The following LRFN5 variants were observed in gnomAD, a reference collection of about 807,000 sequenced individuals.
The protein encoded by LRFN5 is leucine-rich repeat and fibronectin type-III domain-containing protein 5.
LRFN5 carries 24 observed loss-of-function variants against 45.6 expected under a neutral mutation model. The ratio of observed to expected loss-of-function variants is 0.53; its 90% CI spans 0.38 to 0.74. LRFN5 has a LOEUF of 0.74. Among genes scored for constraint, LRFN5 ranks in the 30% least tolerant of loss-of-function variants. LRFN5 has a pLI of 0.00. For missense variants in LRFN5, 776 were observed against 861.5 expected, an observed-to-expected ratio of 0.90 and a Z score of 1.24; for synonymous variants, 340 against 313.8, an observed-to-expected ratio of 1.08 and a Z score of -0.88.
intron 2 of LRFN5, among the ~76,000 whole-genome samples, chr14:41,881,623 G>A (rs930719048): frequency 6.6e-6 from 1 of 151,244 alleles, no homozygotes; most frequent in Non-Finnish European, 1.5e-5. Flanking sequence ...TTTCTGAGAG[G>A]GATTAAAATT....
intron 2 of LRFN5, among the ~76,000 whole-genome samples, chr14:41,843,757 A>G (rs1888951358): frequency 6.6e-6 from 1 of 152,208 alleles, no homozygotes. Flanking sequence ...ATCTGAATAT[A>G]TGGTCCATGT....
chr14:41,794,571 A>G (rs1425056957), intron 2 of LRFN5, among the ~76,000 whole-genome samples: 1 of 152,064 alleles, frequency 6.6e-6, no homozygotes, highest in Non-Finnish European at 1.5e-5. Context: ...GGATAAGTGC[A>G]TAAAGGAATA....
At chr14:41,742,146 A>C (rs73315033) in intron 1 of LRFN5, among the ~76,000 whole-genome samples, 3,914 of 151,894 alleles carry the variant, frequency 0.026, 174 homozygotes, top group African/African-American at 0.089. Flanking sequence ...ATATGACCCC[A>C]AAAATGTTAC....
intron 1 of LRFN5, among the ~76,000 whole-genome samples, chr14:41,726,712 G>A (rs1019695523): frequency 2.6e-5 from 4 of 151,994 alleles, no homozygotes; most frequent in Non-Finnish European, 5.9e-5. Context: ...TGGTTCAAAA[G>A]TATAAAGCAC....
intron 1 of LRFN5, among the ~76,000 whole-genome samples, chr14:41,612,641 A>G (rs1281197958): frequency 6.6e-6 from 1 of 152,146 alleles, no homozygotes; most frequent in African/African-American, 2.4e-5. Flanking sequence ...TTCTGGTTGC[A>G]GAGCCCACAT....
chr14:41,686,107 A>G (rs1429768922), intron 1 of LRFN5, among the ~76,000 whole-genome samples: 4 of 151,892 alleles, frequency 2.6e-5, no homozygotes, highest in Non-Finnish European at 5.9e-5. Context: ...AGGATGGAAT[A>G]TTTTTGCATT....
chr14:41,833,763 G>A (rs1212394777), intron 2 of LRFN5, among the ~76,000 whole-genome samples: 1 of 152,078 alleles, frequency 6.6e-6, no homozygotes, highest in African/African-American at 2.4e-5. Context: ...TTTTTCATAT[G>A]ATAACCATCT....
intron 2 of LRFN5, among the ~76,000 whole-genome samples, chr14:41,811,825 A>T (rs1458204146): frequency 6.6e-6 from 1 of 152,092 alleles, no homozygotes; most frequent in Non-Finnish European, 1.5e-5. Context: ...TTTTGGCGTG[A>T]TGAAAATGTT....
intron 1 of LRFN5, among the ~76,000 whole-genome samples, chr14:41,732,738 GA>G (rs201200327): frequency 6.8e-6 from 1 of 147,496 alleles, no homozygotes; most frequent in African/African-American, 2.5e-5. Flanking sequence ...GATAGTTCAA[GA>G]AAAAAAATTA....
intron 5 of LRFN5, among the ~76,000 whole-genome samples, chr14:41,899,759 C>T (rs1891049370): frequency 6.6e-6 from 1 of 152,064 alleles, no homozygotes; most frequent in Non-Finnish European, 1.5e-5. Flanking sequence ...AGAAAAACAA[C>T]TTTGTCAATC....
At chr14:41,738,730 C>G (rs901399553) in intron 1 of LRFN5, among the ~76,000 whole-genome samples, 1 of 152,108 alleles carries the variant, frequency 6.6e-6, no homozygotes. Context: ...ATTATGGAAT[C>G]TCTGATAGCT....
chr14:41,846,112 C>A (rs917326195), intron 2 of LRFN5, among the ~76,000 whole-genome samples: 8 of 152,066 alleles, frequency 5.3e-5, no homozygotes, highest in Non-Finnish European at 1.2e-4. Context: ...ATCCAGCAAA[C>A]TCAAAACTGT....
chr14:41,704,035 A>G (rs931550065), intron 1 of LRFN5, among the ~76,000 whole-genome samples: 8 of 152,134 alleles, frequency 5.3e-5, no homozygotes, highest in Non-Finnish European at 1.2e-4. Context: ...ATGACCTTCT[A>G]TATTCTAGAC....
intron 2 of LRFN5, among the ~76,000 whole-genome samples, chr14:41,814,762 A>G (rs974736528): frequency 7.3e-5 from 11 of 151,448 alleles, no homozygotes; most frequent in African/African-American, 2.7e-4. Context: ...ATTGTTGGGT[A>G]TATGTTAGAC....
rs143124000 is a variant in LRFN5, at chr14:41,842,912, C to G, written c.-20-43694C>G. Among the ~76,000 whole-genome samples, 269 of 152,082 alleles carry G rather than the reference C, an allele frequency of 1.8e-3. 1 individual carries two copies. The highest frequency in any genetic ancestry group is 2.3e-3 in the Non-Finnish European group (153 of 67,960). On this transcript the variant is annotated intron_variant, in intron 2 of 5. Coordinates refer to ENST00000298119, the MANE Select transcript of LRFN5 (RefSeq NM_152447.5). ...TATTTGCATTTTATTGGCAATACTT[C>G]TCGAATGAAGTATTTGATCAAGATC...
At chr14:41,883,085 A>G (rs1957870) in intron 2 of LRFN5, among the ~76,000 whole-genome samples, 104,482 of 151,490 alleles carry the variant, frequency 0.69, 36,137 homozygotes, top group Middle Eastern at 0.79. Context: ...CTGACCACGT[A>G]ATCTGTCCCC....
intron 1 of LRFN5, among the ~76,000 whole-genome samples, chr14:41,653,709 C>T (rs117032121): frequency 0.012 from 1,758 of 152,078 alleles, 11 homozygotes; most frequent in Non-Finnish European, 0.019. Flanking sequence ...ATCACTATTG[C>T]ATAGAAGGGA....
At position 41,777,238 on chromosome 14, in the gene LRFN5, G is replaced by T. The variant is rs571387381; in HGVS notation, c.-21+10209G>T. ...GTACACAAGTTTGGTGAAAAATTAT[G>T]TTGTAAATTTTATTGGAGTCACAAG... On this transcript the variant is annotated intron_variant, in intron 2 of 5. Coordinates refer to ENST00000298119, the MANE Select transcript of LRFN5 (RefSeq NM_152447.5). Among the ~76,000 whole-genome samples, 3 of 151,702 alleles carry T rather than the reference G, an allele frequency of 2.0e-5. No individual in the cohort carries two copies. In the East Asian group the frequency reaches 5.8e-4, roughly 29 times the overall value.
chr14:41,899,026 C>A, intron 5 of LRFN5, 66 bp downstream of exon 5: 1 of 1,277,128 alleles, frequency 7.8e-7, no homozygotes, highest in Non-Finnish European at 1.1e-6. Context: ...TATAAATTAA[C>A]TTTAAGTAAT....
Sources: gnomAD v4.1 joint callset for allele counts (sites outside exome capture counted in the v4.1 genomes callset) on GRCh38, gnomAD v4.1.1 for gene constraint, MANE v1.5 for transcripts, NCBI Gene and HGNC (gene_info 2026-07-23, HGNC 2026-07-21) for gene names.